MECOM: variants seen among roughly 807,000 people sequenced by gnomAD.
MECOM encodes MDS1 and EVI1 complex locus, also known as histone-lysine N-methyltransferase MECOM.
Under a neutral mutation model 116.3 loss-of-function variants are expected in MECOM, and 13 were observed. That is an observed-to-expected ratio of 0.11 (90% confidence interval 0.07 to 0.18). MECOM has a LOEUF of 0.18. MECOM is among the 10% of genes least tolerant of loss of function. The pLI is 1.00. For synonymous variants in MECOM, 528 were observed against 535.2 expected (o/e 0.99, Z 0.19); for missense variants, 1,299 against 1,509.0 (o/e 0.86, Z 2.31).
In MECOM at chr3:169,640,897, C is replaced by A. The variant is rs368980800; in HGVS notation, c.37+22439G>T. 8.7e-4 allele frequency among the ~76,000 whole-genome samples: 132 copies of A among 152,312 alleles called. 2 individuals are homozygous for A. The South Asian group carries it at 0.027, about 31-fold the overall frequency. ...GTTATGTCACCCTCCCTTGTCCAAT[C>A]AGTGCATGCCTTTGTGAAGAAATCA... On this transcript the variant is annotated intron_variant, in intron 1 of 16. Transcript: ENST00000651503.
chr3:169,291,733 G>A (rs115326214), intron 2 of MECOM, among the ~76,000 whole-genome samples: 2,508 of 152,218 alleles, frequency 0.016, 25 homozygotes, highest in Non-Finnish European at 0.023. Flanking sequence ...GTTTTTCTAG[G>A]CAGTGCATAC....
Position 169,314,936 on chromosome 3 carries a change from C to T in MECOM, c.375+66251G>A, listed in dbSNP as rs186846834. 3.0e-3 allele frequency among the ~76,000 whole-genome samples: 460 copies of T among 152,328 alleles called. 2 individuals are homozygous for T. Among genetic ancestry groups the T allele is most frequent in the African/African-American group, 0.011 (440 of 41,562 alleles). ...TATTTATGAAGATCAACAACAGGCA[C>T]ATTTGTTAAGTAACTACTATGTGGA... On this transcript the variant is annotated intron_variant, in intron 2 of 16. Coordinates refer to ENST00000651503, the MANE Select transcript of MECOM (RefSeq NM_004991.4).
At chr3:169,260,870 T>C (rs1219488937) in intron 2 of MECOM, among the ~76,000 whole-genome samples, 1 of 152,242 alleles carries the variant, frequency 6.6e-6, no homozygotes, top group African/African-American at 2.4e-5. Flanking sequence ...TCACTGAATA[T>C]TTAAAAGTTA....
chr3:169,125,942 A>G (rs1219908538), intron 5 of MECOM, among the ~76,000 whole-genome samples: 2 of 152,114 alleles, frequency 1.3e-5, no homozygotes, highest in African/African-American at 4.8e-5. Context: ...GTGACAACAT[A>G]GCATTCAATA....
chr3:169,600,223 C>T (rs547359566), intron 1 of MECOM, among the ~76,000 whole-genome samples: 20 of 152,244 alleles, frequency 1.3e-4, no homozygotes, highest in African/African-American at 4.8e-4. Flanking sequence ...CTGCCCACCT[C>T]AGCCTCCCAA....
intron 1 of MECOM, among the ~76,000 whole-genome samples, chr3:169,545,819 A>G (rs1560415951): frequency 1.3e-5 from 2 of 152,052 alleles, no homozygotes; most frequent in Admixed American, 1.3e-4. Flanking sequence ...TGCTCTGACC[A>G]TCCCTTTTGG....
chr3:169,412,316 A>T (rs768012478), intron 1 of MECOM, among the ~76,000 whole-genome samples: 1 of 151,630 alleles, frequency 6.6e-6, no homozygotes, highest in Non-Finnish European at 1.5e-5. Flanking sequence ...AATAAAAATT[A>T]AAAAGATAAA....
At chr3:169,625,111 T>C (rs1238266086) in intron 1 of MECOM, among the ~76,000 whole-genome samples, 1 of 151,980 alleles carries the variant, frequency 6.6e-6, no homozygotes, top group African/African-American at 2.4e-5. Context: ...GGTTTTTTCA[T>C]GGCTGTGATG....
chr3:169,458,916 A>G (rs1436884477), intron 1 of MECOM, among the ~76,000 whole-genome samples: 1 of 152,202 alleles, frequency 6.6e-6, no homozygotes, highest in African/African-American at 2.4e-5. Flanking sequence ...GTTTAATATG[A>G]TGAATCATGG....
chr3:169,084,752 T>G lies in MECOM; in HGVS notation c.*157A>C, dbSNP rs972646956. The G allele has an allele frequency of 1.1e-5, 8 of 755,400 alleles. No individual in the cohort carries two copies. Among genetic ancestry groups the G allele is most frequent in the South Asian group, 3.1e-5 (1 of 32,398 alleles). The allele number at this position is 755,400 out of a possible 1,614,324, so 46.8% of individuals were successfully genotyped here. ...AATAAATAGTTTCTTTTTTCTTTCT[T>G]TTCTTTTTTAAATCATTCAGTTTAA... On this transcript the variant is annotated 3_prime_UTR_variant, in exon 17 of 17. Transcript: ENST00000651503.
At chr3:169,207,470 A>G (rs1750092176) in intron 2 of MECOM, among the ~76,000 whole-genome samples, 1 of 152,226 alleles carries the variant, frequency 6.6e-6, no homozygotes, top group South Asian at 2.1e-4. Context: ...ATATAGATAT[A>G]AGAAAAGATC....
chr3:169,176,032 CT>C (rs1277514083), intron 2 of MECOM, among the ~76,000 whole-genome samples: 1 of 151,598 alleles, frequency 6.6e-6, no homozygotes, highest in Middle Eastern at 3.2e-3. Context: ...AGTCTTTTGG[CT>C]TCCCTGGGCC....
At chr3:169,263,143 T>C (rs1254424326) in intron 2 of MECOM, among the ~76,000 whole-genome samples, 1 of 123,046 alleles carries the variant, frequency 8.1e-6, no homozygotes, top group African/African-American at 3.1e-5. Flanking sequence ...TTTTTTTTTT[T>C]TTTGAGACAG....
At chr3:169,582,209 C>A (rs1486314842) in intron 1 of MECOM, among the ~76,000 whole-genome samples, 2 of 151,818 alleles carry the variant, frequency 1.3e-5, no homozygotes, top group Admixed American at 6.6e-5. Context: ...TCAAGGGGCC[C>A]AGGCAGCGCT....
At chr3:169,326,418 A>C (rs1394002555) in intron 2 of MECOM, among the ~76,000 whole-genome samples, 1 of 152,240 alleles carries the variant, frequency 6.6e-6, no homozygotes, top group Non-Finnish European at 1.5e-5. Context: ...GACATGTAGA[A>C]TTTATTATCT....
chr3:169,176,165 T>C (rs1418174341), intron 2 of MECOM, among the ~76,000 whole-genome samples: 1 of 150,526 alleles, frequency 6.6e-6, no homozygotes, highest in Admixed American at 6.6e-5. Flanking sequence ...ACCCCTCATA[T>C]GTTTTAAGAA....
chr3:169,377,323 A>C (rs1376967793), intron 2 of MECOM, among the ~76,000 whole-genome samples: 1 of 149,248 alleles, frequency 6.7e-6, no homozygotes, highest in Non-Finnish European at 1.5e-5. Context: ...CAAAATTGAC[A>C]AATGGGATCT....
intron 1 of MECOM, among the ~76,000 whole-genome samples, chr3:169,479,226 G>A (rs1304368054): frequency 6.6e-6 from 1 of 151,686 alleles, no homozygotes; most frequent in African/African-American, 2.4e-5. Flanking sequence ...TGACACTTAA[G>A]GTGAGATATA....
At chr3:169,332,101 T>A (rs532746731) in intron 2 of MECOM, among the ~76,000 whole-genome samples, 1 of 151,850 alleles carries the variant, frequency 6.6e-6, no homozygotes, top group Non-Finnish European at 1.5e-5. Context: ...TAAAGGGAAG[T>A]GGCATCCAAA....
Sources: allele counts gnomAD v4.1 joint callset (sites outside exome capture counted in the v4.1 genomes callset), GRCh38; gene constraint gnomAD v4.1.1; transcripts MANE v1.5; gene names NCBI Gene and HGNC (gene_info 2026-07-23, HGNC 2026-07-21).